The following MSANTD2 variants were observed in gnomAD, a reference collection of about 807,000 sequenced individuals.
MSANTD2 encodes the protein myb/SANT-like DNA-binding domain-containing protein 2.
MSANTD2 carries 19 observed loss-of-function variants against 52.6 expected under a neutral mutation model. That is an observed-to-expected ratio of 0.36 (90% CI 0.25 to 0.53). The LOEUF (loss-of-function observed/expected upper bound fraction) is 0.53, where lower values mean the gene tolerates loss of function less well. Ranked by LOEUF, MSANTD2 falls within the 20% of genes least tolerant of loss-of-function variation. MSANTD2 has a pLI of 0.91. For missense variants in MSANTD2, 558 were observed against 716.3 expected, an observed-to-expected ratio of 0.78 and a Z score of 2.52; for synonymous variants, 291 against 289.7, an observed-to-expected ratio of 1.00 and a Z score of -0.04.
intron 1 of MSANTD2, chr11:124,791,453 C>G: frequency 8.3e-7 from 1 of 1,203,464 alleles, no homozygotes; most frequent in Non-Finnish European, 1.2e-6. Flanking sequence ...GACCCCTCCC[C>G]ACCTGCACTG....
At position 124,766,680 on chromosome 11, in the gene MSANTD2, T is replaced by C. The variant is rs1944310570; in HGVS notation, c.*496A>G. ...ATACAATAGTAGCTAAGGGTGATAT[T>C]GAAAAAGTCTTTTTAACTGTGAATC... is the stretch of plus-strand genomic sequence containing the variant. On this transcript the variant is annotated 3_prime_UTR_variant, in exon 4 of 4. Coordinates refer to ENST00000374979, the MANE Select transcript of MSANTD2 (RefSeq NM_001308027.2). 6.5e-6 allele frequency: 1 copy of C among 153,068 alleles called. No individual in the cohort carries two copies. Among genetic ancestry groups the C allele is most frequent in the African/African-American group, 2.4e-5 (1 of 41,458 alleles). 9.5% of individuals were successfully genotyped at this position (153,068 alleles called of 1,614,324 possible).
At position 124,766,951 on chromosome 11, in the gene MSANTD2, C is replaced by A; in HGVS notation, c.*225G>T. On this transcript the variant is annotated 3_prime_UTR_variant, in exon 4 of 4. Coordinates refer to ENST00000374979, the MANE Select transcript of MSANTD2 (RefSeq NM_001308027.2). The stretch of plus-strand genomic sequence containing the variant: ...AAAAAGAAATAGCTGACCCACCATG[C>A]AAGTTCGCTATATATCTTGCTTGCT... 2.3e-6 allele frequency: 1 copy of A among 428,362 alleles called. No homozygotes were observed. The highest frequency in any genetic ancestry group is 7.1e-5 in the South Asian group (1 of 14,154). 26.5% of individuals were successfully genotyped at this position (428,362 alleles called of 1,614,324 possible). A position where few individuals can be genotyped will look rare whatever the true frequency, so the allele number is the denominator to read the frequency against.
intron 1 of MSANTD2, among the ~76,000 whole-genome samples, chr11:124,787,192 G>C (rs980662488): frequency 6.6e-6 from 1 of 152,180 alleles, no homozygotes; most frequent in Non-Finnish European, 1.5e-5. Flanking sequence ...TATGAATTAA[G>C]GTTAGTTCAA....
chr11:124,798,158 T>G (rs1207346690), intron 1 of MSANTD2, among the ~76,000 whole-genome samples: 1 of 149,630 alleles, frequency 6.7e-6, no homozygotes, highest in African/African-American at 2.5e-5. Flanking sequence ...ATCCTAGTGC[T>G]TTGGGAGACT....
At chr11:124,776,767 C>G (rs1944761799) in intron 1 of MSANTD2, among the ~76,000 whole-genome samples, 1 of 152,224 alleles carries the variant, frequency 6.6e-6, no homozygotes, top group African/African-American at 2.4e-5. Flanking sequence ...TTAAGAGTCT[C>G]CCACCCTAAA....
At chr11:124,776,898 G>A (rs1038179245) in intron 1 of MSANTD2, among the ~76,000 whole-genome samples, 11 of 152,132 alleles carry the variant, frequency 7.2e-5, no homozygotes, top group Non-Finnish European at 1.5e-5. Context: ...CTTTTTAAAA[G>A]TGTTTCTTCT....
chr11:124,800,319 T>C lies in MSANTD2; in HGVS notation c.62A>G (p.Glu21Gly). ...ACCAGGAGAAGCCGGGGAAAGCACC[T>C]CCATCTTCGGAATTTTTAGCGGCGA... ...ANSPLKIPKM[E>G]VLSPASPGGL... Residue 21 changes from glutamate to glycine, a missense_variant, in exon 1 of 4, where the codon GAG (glutamate) becomes GGG (glycine). Glu to Gly is a moderately conservative substitution (Grantham distance 98, BLOSUM62 -2). This residue lies in a region of MSANTD2 where 150 missense variants were observed against 142.7 expected (regional missense o/e 1.05). Transcript: ENST00000374979. This position sits in a 1 kb window ranked among gnomAD's most constrained non-coding sequence, Gnocchi z 4.3. 2 of 1,563,616 alleles carry C rather than the reference T, an allele frequency of 1.3e-6. No individual in the cohort carries two copies. The highest frequency in any genetic ancestry group is 1.7e-6 in the Non-Finnish European group (2 of 1,157,658).
At chr11:124,787,259 T>C (rs55913290) in intron 1 of MSANTD2, among the ~76,000 whole-genome samples, 18,850 of 152,242 alleles carry the variant, frequency 0.12, 1,193 homozygotes, top group East Asian at 0.18. Flanking sequence ...AGGAATAACA[T>C]GTAGGAGTAA....
rs1003453738 is a variant in MSANTD2 at position 124,779,619 on chromosome 11, A to T, written c.511-4645T>A. ...GTCTAAGATGTCAGATGAAAAATAA[A>T]GTCAATCTGCAAGGAGGACAGCTTA... On this transcript the variant is annotated intron_variant, in intron 1 of 3. Coordinates refer to ENST00000374979, the MANE Select transcript of MSANTD2 (RefSeq NM_001308027.2). The surrounding 1 kb of genome is among the most constrained non-coding windows in gnomAD (Gnocchi z 4.6). Among the ~76,000 whole-genome samples, 9 of 152,266 alleles carry T rather than the reference A, an allele frequency of 5.9e-5. No homozygotes were observed. The highest frequency in any genetic ancestry group is 2.0e-4 in the Admixed American group (3 of 15,286).
intron 1 of MSANTD2, chr11:124,791,619 G>A (rs757400925): frequency 1.4e-5 from 20 of 1,479,638 alleles, no homozygotes; most frequent in South Asian, 3.4e-5. Flanking sequence ...CAGTGGGATC[G>A]GCAGCTTCCA....
At chr11:124,783,681 A>G in intron 1 of MSANTD2, 1 of 956,398 alleles carries the variant, frequency 1.0e-6, no homozygotes, top group Non-Finnish European at 1.2e-6. Context: ...TATAAAATTC[A>G]GGAAATTTTG....
At position 124,784,487 on chromosome 11, in the gene MSANTD2, C is replaced by T. The variant is rs1024133442; in HGVS notation, c.511-9513G>A. 1.9e-4 allele frequency: 185 copies of T among 985,088 alleles called. No individual in the cohort carries two copies. The African/African-American group carries it at 3.0e-3, about 16-fold the overall frequency. 61.0% of individuals were successfully genotyped at this position (985,088 alleles called of 1,614,324 possible). ...CAACCATGTCTAAAAATTAAACCCC[C>T]CCCCCGCCACCTCAAAAATCCGCAC... is the stretch of plus-strand genomic sequence containing the variant. On this transcript the variant is annotated intron_variant, in intron 1 of 3. Transcript: ENST00000374979.
intron 1 of MSANTD2, among the ~76,000 whole-genome samples, chr11:124,781,507 C>G (rs572588078): frequency 4.8e-4 from 73 of 152,282 alleles, no homozygotes; most frequent in Non-Finnish European, 6.6e-4. Flanking sequence ...GCTAAGCTCT[C>G]ACATCTTCCA....
Position 124,774,749 on chromosome 11 carries a change from G to A in MSANTD2, c.736C>T (p.Leu246Phe). The change falls in exon 2 of 4, where the codon CTC becomes TTC. Residue 246 changes from leucine (L) to phenylalanine (F), a missense_variant. This residue lies in a region of MSANTD2 where 408 missense variants were observed against 573.6 expected (regional missense o/e 0.71). Coordinates refer to ENST00000374979, the MANE Select transcript of MSANTD2 (RefSeq NM_001308027.2). This position sits in a 1 kb window ranked among gnomAD's most constrained non-coding sequence, Gnocchi z 5.1. ...QEDWGNHSQDLHGYPTDQELD... is the reference protein window; with the variant it reads ...QEDWGNHSQDFHGYPTDQELD... ...TCCTGATCTGTTGGATAGCCATGGA[G>A]ATCCTGACTGTGGTTTCCCCAGTCC... is the stretch of plus-strand genomic sequence containing the variant. The A allele has an allele frequency of 1.9e-6, 3 of 1,614,144 alleles. No homozygotes were observed. The highest frequency in any genetic ancestry group is 2.5e-6 in the Non-Finnish European group (3 of 1,180,014).
In MSANTD2 at chr11:124,799,862, G is replaced by A; in HGVS notation, c.510+9C>T. On this transcript the variant is annotated intron_variant, in intron 1 of 3. Coordinates refer to ENST00000374979, the MANE Select transcript of MSANTD2 (RefSeq NM_001308027.2). Reference sequence around the variant, plus strand: ...CTGGTTCGCTGCCCCAGGCCGGGCGGCCGGTTACCTTGATGCGCTCCCGGC... The same window carrying A: ...CTGGTTCGCTGCCCCAGGCCGGGCGACCGGTTACCTTGATGCGCTCCCGGC... 3 of 1,570,322 alleles carry A rather than the reference G, an allele frequency of 1.9e-6. No individual in the cohort carries two copies. Among genetic ancestry groups the A allele is most frequent in the Non-Finnish European group, 2.6e-6 (3 of 1,165,980 alleles).
At chr11:124,788,796 T>C (rs1945247148) in intron 1 of MSANTD2, among the ~76,000 whole-genome samples, 1 of 152,206 alleles carries the variant, frequency 6.6e-6, no homozygotes, top group Admixed American at 6.5e-5. Flanking sequence ...AAAGGAATGA[T>C]ATAAAATCAT....
intron 1 of MSANTD2, chr11:124,783,639 TA>T: frequency 1.3e-6 from 1 of 759,712 alleles, no homozygotes; most frequent in Non-Finnish European, 1.6e-6. Context: ...AAATAAAAAA[TA>T]AAAGAAAGTA....
At chr11:124,777,507 A>G (rs533970000) in intron 1 of MSANTD2, among the ~76,000 whole-genome samples, 1 of 152,388 alleles carries the variant, frequency 6.6e-6, no homozygotes, top group Admixed American at 6.5e-5. Flanking sequence ...GAACCACCAA[A>G]TTGAGCTTAA....
At position 124,779,281 on chromosome 11, in the gene MSANTD2, A is replaced by C. The variant is rs2135246171; in HGVS notation, c.511-4307T>G. The C allele has an allele frequency of 6.6e-6, 1 of 152,346 alleles. No homozygotes were observed. The highest frequency in any genetic ancestry group is 2.1e-4 in the South Asian group (1 of 4,832). 9.4% of individuals were successfully genotyped at this position (152,346 alleles called of 1,614,324 possible). A position where few individuals can be genotyped will look rare whatever the true frequency, so the allele number is the denominator to read the frequency against. On this transcript the variant is annotated intron_variant, in intron 1 of 3. Coordinates refer to ENST00000374979, the MANE Select transcript of MSANTD2 (RefSeq NM_001308027.2). This position sits in a 1 kb window ranked among gnomAD's most constrained non-coding sequence, Gnocchi z 4.6. ...CTAAGCTACTTTTGGGGTGAAATTA[A>C]GGTTTATTTTGCTTTAGTGTCCTCC...
Sources: allele counts gnomAD v4.1 joint callset (sites outside exome capture counted in the v4.1 genomes callset), GRCh38; gene constraint gnomAD v4.1.1; regional missense constraint gnomAD v4.1.1; non-coding constraint Gnocchi (gnomAD v3.1); transcripts MANE v1.5; gene names NCBI Gene and HGNC (gene_info 2026-07-23, HGNC 2026-07-21).